The following NLRP5 variants were observed in gnomAD, a reference collection of about 807,000 sequenced individuals.
NLRP5 encodes NACHT, LRR and PYD domains-containing protein 5.
NLRP5 carries 93 observed loss-of-function variants against 113.1 expected under a neutral mutation model. The ratio of observed to expected loss-of-function variants is 0.82; its 90% CI spans 0.70 to 0.98. The LOEUF is 0.98. NLRP5 is among the 50% of genes least tolerant of loss of function. The pLI is 0.00. For synonymous variants in NLRP5, 751 were observed against 600.7 expected (o/e 1.25, Z -3.66); for missense variants, 1,808 against 1,514.3 (o/e 1.19, Z -3.22).
chr19:56,030,062 A>T (rs535680669), intron 7 of NLRP5, among the ~76,000 whole-genome samples: 2 of 150,978 alleles, frequency 1.3e-5, no homozygotes, highest in African/African-American at 2.4e-5. Context: ...CTCAAAAAAT[A>T]AAAAAAGCCT....
At chr19:56,059,682 G>A (rs1348073926) in intron 14 of NLRP5, among the ~76,000 whole-genome samples, 2 of 152,036 alleles carry the variant, frequency 1.3e-5, no homozygotes, top group East Asian at 1.9e-4. Flanking sequence ...TTATAGGTAC[G>A]TGCCACCACG....
chr19:56,009,358 A>AAAAAAAAAAAAAAAAAAAAC (rs1271381720), intron 3 of NLRP5, among the ~76,000 whole-genome samples: 1 of 149,974 alleles, frequency 6.7e-6, no homozygotes, highest in Non-Finnish European at 1.5e-5. Flanking sequence ...AAAAAAAAAA[A>AAAAAAAAAAAAAAAAAAAAC]AGAGTTCTGT....
chr19:56,056,754 A>G (rs1984168240), intron 13 of NLRP5, among the ~76,000 whole-genome samples: 1 of 152,228 alleles, frequency 6.6e-6, no homozygotes, highest in African/African-American at 2.4e-5. Context: ...TTTTAGAAGC[A>G]AAATGAAAAA....
intron 11 of NLRP5, among the ~76,000 whole-genome samples, chr19:56,046,757 C>A (rs1270904309): frequency 2.0e-5 from 3 of 152,100 alleles, no homozygotes; most frequent in Admixed American, 2.0e-4. Flanking sequence ...TGGTCTCGAT[C>A]TCCTGACCTC....
chr19:56,032,171 C>G (rs887490933), intron 7 of NLRP5, among the ~76,000 whole-genome samples: 3 of 151,938 alleles, frequency 2.0e-5, no homozygotes, highest in African/African-American at 7.3e-5. Context: ...ATGGTGAAAC[C>G]CCATCTCTAT....
At chr19:55,999,554 C>G (rs928787441), upstream of NLRP5, among the ~76,000 whole-genome samples, 1 of 152,052 alleles carries the variant, frequency 6.6e-6, no homozygotes, top group Non-Finnish European at 1.5e-5. Context: ...AGCTTTAGAG[C>G]AGGTGGTGTT....
intron 11 of NLRP5, among the ~76,000 whole-genome samples, chr19:56,045,358 C>A (rs556597214): frequency 6.6e-6 from 1 of 152,146 alleles, no homozygotes; most frequent in East Asian, 1.9e-4. Context: ...TGGGTGTGAG[C>A]GGGCTGAGTC....
At chr19:55,993,923 A>G in the NLRP5 span, among the ~76,000 whole-genome samples, 1 of 151,972 alleles carries the variant, frequency 6.6e-6, no homozygotes, top group Non-Finnish European at 1.5e-5. Context: ...TATCTTAGCT[A>G]TCGTGAATAG....
chr19:56,041,944 G>A (rs1329704478), intron 11 of NLRP5, among the ~76,000 whole-genome samples: 26 of 152,202 alleles, frequency 1.7e-4, no homozygotes, highest in Non-Finnish European at 2.9e-5. Context: ...GGGCAACAGA[G>A]TGAGACTGCA....
intron 2 of NLRP5, among the ~76,000 whole-genome samples, chr19:56,004,615 C>T (rs943882148): frequency 3.3e-5 from 5 of 152,144 alleles, no homozygotes; most frequent in African/African-American, 1.2e-4. Flanking sequence ...TCATCTGAGG[C>T]TTGGACTTTC....
At position 56,005,262 on chromosome 19, in the gene NLRP5, TACACATAC is replaced by T. The variant is rs1198503369; in HGVS notation, c.442+1171_442+1178del. ...ATATACACACATATATATTTATATA[TACACATAC>T]ACATATACACATATATTTTTATATA... On this transcript the variant is annotated intron_variant, in intron 2 of 14. Coordinates refer to ENST00000390649, the MANE Select transcript of NLRP5 (RefSeq NM_153447.4). Among the ~76,000 whole-genome samples, 7 of 146,560 alleles carry T rather than the reference TACACATAC, an allele frequency of 4.8e-5. No individual in the cohort carries two copies. The East Asian group carries it at 1.4e-3, about 29-fold the overall frequency.
rs534363035 is a variant in NLRP5 at position 56,015,198 on chromosome 19, TTTTG to T, written c.509-528_509-525del. On this transcript the variant is annotated intron_variant, in intron 3 of 14. Transcript: ENST00000390649. ...GAGTGTTTGTTTTGTTTTCGTTTTG[TTTTG>T]TTTGTTTGTTTGTTTTTGACAGAGT... 2.0e-3 allele frequency among the ~76,000 whole-genome samples: 306 copies of T among 152,256 alleles called. 2 individuals carry two copies. Among genetic ancestry groups the T allele is most frequent in the Admixed American group, 4.2e-3 (64 of 15,270 alleles).
intron 13 of NLRP5, among the ~76,000 whole-genome samples, chr19:56,057,470 C>T (rs985470253): frequency 2.0e-5 from 3 of 152,160 alleles, no homozygotes; most frequent in African/African-American, 7.2e-5. Context: ...ATCTTTGTTT[C>T]TCAAATGTGT....
intron 11 of NLRP5, among the ~76,000 whole-genome samples, chr19:56,044,629 G>A (rs947839860): frequency 2.0e-5 from 3 of 152,168 alleles, no homozygotes; most frequent in African/African-American, 7.2e-5. Context: ...CTTATAGTTT[G>A]AAATCAGGTA....
chr19:56,032,751 G>A lies in NLRP5; in HGVS notation c.2417G>A (p.Arg806Lys), dbSNP rs371744258. ...ATGAAGACCCTGTGTGCCAAGCTGAGGCATCCCACCTGCAAGATACAGACC... is the reference window on the plus strand; with the variant it reads ...ATGAAGACCCTGTGTGCCAAGCTGAAGCATCCCACCTGCAAGATACAGACC... Residue 806 changes from arginine (R) to lysine (K), a missense_variant, in exon 8 of 15, where the codon AGG (arginine) becomes AAG (lysine). Coordinates refer to ENST00000390649, the MANE Select transcript of NLRP5 (RefSeq NM_153447.4). 4 of 1,612,090 alleles carry A rather than the reference G, an allele frequency of 2.5e-6. No individual in the cohort carries two copies. The African/African-American group carries it at 4.0e-5, about 16-fold the overall frequency.
chr19:56,018,699 A>C (rs1310494728), intron 4 of NLRP5: 1 of 152,894 alleles, frequency 6.5e-6, no homozygotes, highest in Non-Finnish European at 1.5e-5. Context: ...TGCTGGACTC[A>C]AGTGATTCTC....
At chr19:55,993,454 CCTCTCTCCCCCCTCTCTCCCCCCT>C in the NLRP5 span, among the ~76,000 whole-genome samples, 95 of 874 alleles carry the variant, frequency 0.11, 29 homozygotes, top group Non-Finnish European at 0.12. Flanking sequence ...TCCTCTCCCC[CCTCTCTCCCCCCTCTCTCCCCCCT>C]CCCTCCCCCT....
intron 14 of NLRP5, among the ~76,000 whole-genome samples, chr19:56,060,266 G>A (rs1277703552): frequency 2.6e-5 from 4 of 152,028 alleles, no homozygotes; most frequent in African/African-American, 9.7e-5. Context: ...GTGAAATGGG[G>A]GCGGTGCTAT....
At chr19:56,028,636 G>C (rs984158957) in intron 7 of NLRP5, 127 bp downstream of exon 7, 1 of 931,918 alleles carries the variant, frequency 1.1e-6, no homozygotes, top group Non-Finnish European at 1.6e-6. Flanking sequence ...TGGCCCAGAT[G>C]ACGTCCAGCT....
Sources: gnomAD v4.1 joint callset for allele counts (sites outside exome capture counted in the v4.1 genomes callset) on GRCh38, gnomAD v4.1.1 for gene constraint, MANE v1.5 for transcripts, NCBI Gene and HGNC (gene_info 2026-07-23, HGNC 2026-07-21) for gene names.